The following CORO1C variants were observed in gnomAD, a reference collection of about 807,000 sequenced individuals.
CORO1C encodes coronin-1C.
A neutral mutation model predicts 51.2 loss-of-function variants in CORO1C; 14 were observed. The ratio of observed to expected loss-of-function variants is 0.27; its 90% CI spans 0.18 to 0.43. The LOEUF (loss-of-function observed/expected upper bound fraction) is 0.43. Ranked by LOEUF, CORO1C falls within the 20% of genes least tolerant of loss-of-function variation. The pLI is 1.00. For synonymous variants in CORO1C, 181 were observed against 210.5 expected (o/e 0.86, Z 1.21); for missense variants, 417 against 607.8 (o/e 0.69, Z 3.30).
intron 1 of CORO1C, among the ~76,000 whole-genome samples, chr12:108,712,946 G>A (rs929037445): frequency 4.1e-5 from 6 of 145,108 alleles, no homozygotes; most frequent in African/African-American, 1.0e-4. Flanking sequence ...CATCATTTCC[G>A]AATATGAGAT....
intron 2 of CORO1C, among the ~76,000 whole-genome samples, chr12:108,682,740 A>G (rs1327273561): frequency 1.3e-5 from 2 of 152,198 alleles, no homozygotes; most frequent in African/African-American, 2.4e-5. Context: ...TACATTAAAC[A>G]TTAATTTGTT....
Position 108,730,707 on chromosome 12 carries a change from C to G in CORO1C, c.-6+722G>C, listed in dbSNP as rs184351988. The G allele has an allele frequency of 3.1e-3, 477 of 153,858 alleles. 5 individuals carry two copies. Among genetic ancestry groups the G allele is most frequent in the Non-Finnish European group, 3.5e-3 (241 of 69,358 alleles). The allele number at this position is 153,858 out of a possible 1,614,324, so 9.5% of individuals were successfully genotyped here. On this transcript the variant is annotated intron_variant, in intron 1 of 10. Transcript: ENST00000261401. ...TCGTTCCTCCCCTCCCAACCCCCAG[C>G]CAGTCCCAGCCCTCTGCTCCCTTGG...
chr12:108,685,042 T>C lies in CORO1C; in HGVS notation c.196-6648A>G, dbSNP rs2034250377. Among the ~76,000 whole-genome samples the C allele has an allele frequency of 2.0e-5, 3 of 152,182 alleles. No homozygotes were observed. The South Asian group carries it at 6.2e-4, about 32-fold the overall frequency. On this transcript the variant is annotated intron_variant, in intron 2 of 10. Transcript: ENST00000261401. ...AAGAACACCAAATGATTTTTTCCAATCTGGGCTAAGAAGCGCTTTTATTCA... is the reference window on the plus strand; with the variant it reads ...AAGAACACCAAATGATTTTTTCCAACCTGGGCTAAGAAGCGCTTTTATTCA...
intron 1 of CORO1C, chr12:108,730,308 C>G (rs1417469741): frequency 6.6e-6 from 1 of 152,216 alleles, no homozygotes; most frequent in Non-Finnish European, 1.5e-5. Flanking sequence ...CCTACGATTC[C>G]TTTTCCAGCG....
At chr12:108,709,805 A>G (rs1247285606) in intron 1 of CORO1C, among the ~76,000 whole-genome samples, 1 of 152,252 alleles carries the variant, frequency 6.6e-6, no homozygotes, top group Non-Finnish European at 1.5e-5. Context: ...ATGATTTTAA[A>G]TGTCCTGTCA....
intron 1 of CORO1C, among the ~76,000 whole-genome samples, chr12:108,729,207 A>G (rs1157382142): frequency 1.3e-5 from 2 of 152,220 alleles, no homozygotes; most frequent in East Asian, 3.8e-4. Flanking sequence ...GAAGTGACAG[A>G]TAAGTTAAAC....
At chr12:108,711,679 C>CAAA (rs766919638) in intron 1 of CORO1C, among the ~76,000 whole-genome samples, 1 of 60,526 alleles carries the variant, frequency 1.7e-5, no homozygotes, top group Non-Finnish European at 3.4e-5. Flanking sequence ...AACTCCGTCT[C>CAAA]AAAAAAAAAA....
At chr12:108,717,027 G>C (rs1292212954) in intron 1 of CORO1C, among the ~76,000 whole-genome samples, 1 of 152,202 alleles carries the variant, frequency 6.6e-6, no homozygotes, top group Non-Finnish European at 1.5e-5. Flanking sequence ...TCAGATATTC[G>C]TGCAAACATT....
At chr12:108,692,575 G>T (rs914263084) in intron 2 of CORO1C, among the ~76,000 whole-genome samples, 2 of 152,184 alleles carry the variant, frequency 1.3e-5, no homozygotes, top group Non-Finnish European at 2.9e-5. Flanking sequence ...TCAGCACGGC[G>T]CCTGGCACTT....
At chr12:108,674,342 A>C (rs111920971) in intron 3 of CORO1C, among the ~76,000 whole-genome samples, 119 of 152,246 alleles carry the variant, frequency 7.8e-4, no homozygotes, top group Non-Finnish European at 1.4e-3. Context: ...AGATCAGGAG[A>C]TGGAGACCAT....
intron 3 of CORO1C, among the ~76,000 whole-genome samples, chr12:108,663,233 T>C (rs1021107807): frequency 6.6e-6 from 1 of 152,236 alleles, no homozygotes; most frequent in Non-Finnish European, 1.5e-5. Flanking sequence ...TAAAATGGTA[T>C]AGCCACCATT....
intron 2 of CORO1C, among the ~76,000 whole-genome samples, chr12:108,695,560 A>T (rs2034646357): frequency 6.6e-6 from 1 of 152,202 alleles, no homozygotes; most frequent in African/African-American, 2.4e-5. Flanking sequence ...AGCAACTAAG[A>T]GAACCCAATG....
At chr12:108,729,848 A>T (rs1312382912) in intron 1 of CORO1C, among the ~76,000 whole-genome samples, 1 of 152,252 alleles carries the variant, frequency 6.6e-6, no homozygotes, top group Non-Finnish European at 1.5e-5. Flanking sequence ...GACGGTACAA[A>T]GCAACTGCTT....
rs147020690 is a variant in CORO1C, at chr12:108,662,050, G to C, written c.427C>G (p.Arg143Gly). The C allele has an allele frequency of 6.2e-7, 1 of 1,614,156 alleles. No homozygotes were observed. The highest frequency in any genetic ancestry group is 8.5e-7 in the Non-Finnish European group (1 of 1,180,030). The part of the protein sequence containing the change: ...VGIVAWHPTA[R>G]NVLLSAGCDN... ...CCACCTGCACTAAGAAGCACATTGC[G>C]GGCCGTTGGATGCCAAGCCACGATG... Residue 143 changes from arginine to glycine, a missense_variant, in exon 4 of 11, where the codon CGC becomes GGC. Coordinates refer to ENST00000261401, the MANE Select transcript of CORO1C (RefSeq NM_014325.4).
At chr12:108,653,775 G>A (rs1431829535) in intron 7 of CORO1C, among the ~76,000 whole-genome samples, 1 of 152,090 alleles carries the variant, frequency 6.6e-6, no homozygotes, top group African/African-American at 2.4e-5. Context: ...TGAACCCCAG[G>A]AACAAGAACC....
intron 2 of CORO1C, among the ~76,000 whole-genome samples, chr12:108,680,030 T>A (rs552660043): frequency 1.4e-4 from 21 of 152,380 alleles, no homozygotes; most frequent in Admixed American, 2.6e-4. Flanking sequence ...GTTCTTCTAG[T>A]ACAATAATTT....
chr12:108,723,158 C>A (rs2035512534), intron 1 of CORO1C, among the ~76,000 whole-genome samples: 1 of 152,176 alleles, frequency 6.6e-6, no homozygotes, highest in South Asian at 2.1e-4. Flanking sequence ...ATTAATTCAC[C>A]ATCTAGCTTC....
chr12:108,653,970 A>C (rs1429452807), intron 7 of CORO1C, among the ~76,000 whole-genome samples: 3 of 152,172 alleles, frequency 2.0e-5, no homozygotes, highest in African/African-American at 7.2e-5. Context: ...TAAAATCACC[A>C]ATCAGGTAGC....
At chr12:108,661,453 T>C (rs1181721259) in intron 4 of CORO1C, among the ~76,000 whole-genome samples, 1 of 152,198 alleles carries the variant, frequency 6.6e-6, no homozygotes, top group East Asian at 1.9e-4. Context: ...AATTTATGTA[T>C]GTGCACAGAA....
Sources: gnomAD v4.1 joint callset for allele counts (sites outside exome capture counted in the v4.1 genomes callset) on GRCh38, gnomAD v4.1.1 for gene constraint, MANE v1.5 for transcripts, NCBI Gene and HGNC (gene_info 2026-07-23, HGNC 2026-07-21) for gene names.